The following ZBTB46 variants were observed in gnomAD, a reference collection of about 807,000 sequenced individuals.
ZBTB46 encodes the protein zinc finger and BTB domain-containing protein 46.
In ZBTB46, 8 loss-of-function variants were observed where a neutral mutation model predicts 44.1. The ratio of observed to expected loss-of-function variants is 0.18; its 90% CI spans 0.11 to 0.33. The LOEUF (loss-of-function observed/expected upper bound fraction) is 0.33. Among genes scored for constraint, ZBTB46 ranks in the 10% least tolerant of loss-of-function variants. The probability of loss-of-function intolerance (pLI) is 1.00; values close to 1 mark genes in which losing one functional copy is unlikely to be tolerated. For synonymous variants in ZBTB46, 409 were observed against 382.3 expected, an observed-to-expected ratio of 1.07 and a Z score of -0.81; for missense variants, 651 against 847.7, an observed-to-expected ratio of 0.77 and a Z score of 2.88.
At chr20:63,764,433 C>A (rs1243016277) in intron 3 of ZBTB46, among the ~76,000 whole-genome samples, 1 of 148,782 alleles carries the variant, frequency 6.7e-6, no homozygotes, top group Admixed American at 6.6e-5. Context: ...GAGGCCCTGT[C>A]TCAAAAAAAA....
intron 3 of ZBTB46, among the ~76,000 whole-genome samples, chr20:63,773,460 A>C (rs1178573857): frequency 1.3e-5 from 2 of 152,134 alleles, no homozygotes; most frequent in African/African-American, 4.8e-5. Context: ...CTTAATGACC[A>C]AGACACACCA....
chr20:63,781,642 A>T (rs1184225639), intron 2 of ZBTB46, among the ~76,000 whole-genome samples: 1 of 152,040 alleles, frequency 6.6e-6, no homozygotes, highest in Non-Finnish European at 1.5e-5. Flanking sequence ...AATACAAAAA[A>T]TCAGCCAGGG....
At chr20:63,831,493 G>T (rs953233872), upstream of ZBTB46, among the ~76,000 whole-genome samples, 2 of 146,312 alleles carry the variant, frequency 1.4e-5, no homozygotes, top group African/African-American at 4.9e-5. Flanking sequence ...GCCGCGCCGG[G>T]GGTCCGTTCT....
chr20:63,812,071 T>C (rs971289304), intron 1 of ZBTB46, among the ~76,000 whole-genome samples: 20 of 152,034 alleles, frequency 1.3e-4, no homozygotes, highest in African/African-American at 3.9e-4. Context: ...GGAACAAAAC[T>C]CTCACTAATA....
intron 1 of ZBTB46, among the ~76,000 whole-genome samples, chr20:63,820,862 G>A (rs954228512): frequency 1.3e-5 from 2 of 151,692 alleles, no homozygotes; most frequent in South Asian, 2.1e-4. Context: ...CCGAAGATCT[G>A]GGACTACAGG....
intron 1 of ZBTB46, among the ~76,000 whole-genome samples, chr20:63,827,463 C>T (rs1350612002): frequency 6.6e-6 from 1 of 151,724 alleles, no homozygotes; most frequent in Non-Finnish European, 1.5e-5. Context: ...AAAAAATTAG[C>T]CGGGCGCGGT....
chr20:63,823,097 G>A (rs145366680), intron 1 of ZBTB46, among the ~76,000 whole-genome samples: 1 of 148,044 alleles, frequency 6.8e-6, no homozygotes, highest in African/African-American at 2.5e-5. Flanking sequence ...GAAACCGAGA[G>A]GTGGAGATTG....
intron 1 of ZBTB46, 108 bp downstream of exon 1, chr20:63,830,989 G>A (rs1237320968): frequency 7.0e-6 from 1 of 142,754 alleles, no homozygotes; most frequent in African/African-American, 2.5e-5. Context: ...GGCGGCGGGG[G>A]CGCGCCCGGG....
chr20:63,832,447 G>C (rs941915401), upstream of ZBTB46, among the ~76,000 whole-genome samples: 1 of 152,194 alleles, frequency 6.6e-6, no homozygotes, highest in East Asian at 1.9e-4. The surrounding 1 kb of genome is among the most constrained non-coding windows in gnomAD (Gnocchi z 5.0). Flanking sequence ...CCAGCGCAGC[G>C]GATTCCTCGG....
At chr20:63,818,456 C>T (rs778891669) in intron 1 of ZBTB46, among the ~76,000 whole-genome samples, 3 of 152,194 alleles carry the variant, frequency 2.0e-5, no homozygotes, top group South Asian at 2.1e-4. Flanking sequence ...CAGGCCAGTG[C>T]GGACCCCCAG....
At chr20:63,786,576 A>G (rs1007202124) in intron 2 of ZBTB46, among the ~76,000 whole-genome samples, 1 of 152,070 alleles carries the variant, frequency 6.6e-6, no homozygotes, top group Non-Finnish European at 1.5e-5. Context: ...CAGTGGCGCG[A>G]TCTCAGCTCA....
chr20:63,762,043 G>A lies in ZBTB46; in HGVS notation c.1223-9182C>T, dbSNP rs1423483283. 3.3e-5 allele frequency among the ~76,000 whole-genome samples: 5 copies of A among 152,106 alleles called. No homozygotes were observed. In the East Asian group the frequency reaches 7.7e-4, roughly 23 times the overall value. ...CCATTTGGAATATCCTGCACTTTTG[G>A]TGTAACGTTCAAACTGGGCTAATTG... On this transcript the variant is annotated intron_variant, in intron 3 of 4. Transcript: ENST00000245663.
intron 1 of ZBTB46, among the ~76,000 whole-genome samples, chr20:63,827,404 G>A (rs1020404332): frequency 6.6e-6 from 1 of 151,730 alleles, no homozygotes; most frequent in Non-Finnish European, 1.5e-5. Context: ...TCAGGAGATC[G>A]AGACCATCCT....
At chr20:63,809,006 GAAAA>G (rs1203809736) in intron 1 of ZBTB46, among the ~76,000 whole-genome samples, 2 of 122,616 alleles carry the variant, frequency 1.6e-5, no homozygotes, top group Admixed American at 1.6e-4. Flanking sequence ...AAAAGAAAAA[GAAAA>G]AAAAAAAAGA....
Position 63,790,355 on chromosome 20 carries a change from A to G in ZBTB46, c.403T>C (p.Ser135Pro), listed in dbSNP as rs1040936949. 50 of 1,613,114 alleles carry G rather than the reference A, an allele frequency of 3.1e-5. No homozygotes were observed. Among genetic ancestry groups the G allele is most frequent in the Non-Finnish European group, 4.2e-5 (49 of 1,179,972 alleles). ...IKAALDISIK[S>P]DASDELAEFE... ...TCCGCAAGCTCATCTGAGGCGTCCGACTTGATGCTGATGTCCAGCGCCGCC... is the reference window on the plus strand; with the variant it reads ...TCCGCAAGCTCATCTGAGGCGTCCGGCTTGATGCTGATGTCCAGCGCCGCC... Residue 135 changes from serine to proline, a missense_variant, in exon 2 of 5, where the codon TCG (serine) becomes CCG (proline). Transcript: ENST00000245663.
At chr20:63,792,077 C>G (rs80111470) in intron 1 of ZBTB46, among the ~76,000 whole-genome samples, 2 of 152,218 alleles carry the variant, frequency 1.3e-5, no homozygotes, top group South Asian at 4.1e-4. Flanking sequence ...CAAATGTCAC[C>G]CTTTCACAAG....
intron 2 of ZBTB46, among the ~76,000 whole-genome samples, chr20:63,780,982 A>G (rs180825711): frequency 4.2e-5 from 6 of 143,054 alleles, no homozygotes; most frequent in African/African-American, 1.5e-4. Flanking sequence ...AAAAAAAAAA[A>G]ATACAAAAAT....
chr20:63,822,268 G>C (rs1459003799), intron 1 of ZBTB46, among the ~76,000 whole-genome samples: 4 of 152,184 alleles, frequency 2.6e-5, no homozygotes, highest in African/African-American at 9.7e-5. Context: ...AATAAACGAC[G>C]GGACACACGT....
intron 1 of ZBTB46, among the ~76,000 whole-genome samples, chr20:63,797,541 T>A (rs1259589954): frequency 1.3e-5 from 2 of 152,228 alleles, no homozygotes; most frequent in African/African-American, 4.8e-5. Flanking sequence ...CTGGGTCAAA[T>A]AGTATTTCTA....
Sources: gnomAD v4.1 joint callset for allele counts (sites outside exome capture counted in the v4.1 genomes callset) on GRCh38, gnomAD v4.1.1 for gene constraint, Gnocchi (gnomAD v3.1) non-coding constraint, MANE v1.5 for transcripts, NCBI Gene and HGNC (gene_info 2026-07-23, HGNC 2026-07-21) for gene names.